The following GALNTL5 variants were observed in gnomAD, a reference collection of about 807,000 sequenced individuals.
GALNTL5 encodes inactive polypeptide N-acetylgalactosaminyltransferase-like protein 5.
A neutral mutation model predicts 51.0 loss-of-function variants in GALNTL5; 44 were observed. That is an observed-to-expected ratio of 0.86 (90% confidence interval 0.68 to 1.11). GALNTL5 has a LOEUF of 1.11. GALNTL5 is among the 50% of genes least tolerant of loss of function. The probability of loss-of-function intolerance (pLI) is 0.00; values close to 1 mark genes in which losing one functional copy is unlikely to be tolerated. For synonymous variants in GALNTL5, 192 were observed against 182.8 expected, an observed-to-expected ratio of 1.05 and a Z score of -0.41; for missense variants, 528 against 531.8, an observed-to-expected ratio of 0.99 and a Z score of 0.07.
intron 2 of GALNTL5, among the ~76,000 whole-genome samples, chr7:151,970,207 CG>C (rs1418427966): frequency 7.8e-6 from 1 of 128,212 alleles, no homozygotes; most frequent in Non-Finnish European, 1.7e-5. Flanking sequence ...CAGGAAGGGG[CG>C]GGGGGTGGGG....
intron 5 of GALNTL5, among the ~76,000 whole-genome samples, chr7:151,998,524 C>A (rs1204188418): frequency 1.3e-5 from 2 of 152,128 alleles, no homozygotes; most frequent in Non-Finnish European, 2.9e-5. Flanking sequence ...ATAATCCCAG[C>A]ACTTTGGAAG....
At chr7:151,986,711 G>A (rs1256468616) in intron 4 of GALNTL5, among the ~76,000 whole-genome samples, 1 of 142,082 alleles carries the variant, frequency 7.0e-6, no homozygotes, top group African/African-American at 2.6e-5. Context: ...TCCCTTAAAT[G>A]GGATAAAAAT....
chr7:151,965,929 C>A (rs963360265), intron 1 of GALNTL5, among the ~76,000 whole-genome samples: 3 of 151,954 alleles, frequency 2.0e-5, no homozygotes, highest in African/African-American at 4.8e-5. Flanking sequence ...TCTCCTCCCC[C>A]CAACCATGGA....
chr7:151,966,620 C>T lies in GALNTL5; in HGVS notation c.-39-588C>T, dbSNP rs1417367440. The stretch of plus-strand genomic sequence containing the variant: ...ATTACTTCAATAAACATTCTTGTAC[C>T]TGTCTCATGATACATCTCTTTAGAT... On this transcript the variant is annotated intron_variant, in intron 1 of 8. Transcript: ENST00000392800. Among the ~76,000 whole-genome samples the T allele has an allele frequency of 2.0e-5, 3 of 152,194 alleles. No homozygotes were observed. In the East Asian group the frequency reaches 5.8e-4, roughly 29 times the overall value.
intron 3 of GALNTL5, among the ~76,000 whole-genome samples, chr7:151,981,223 C>T (rs912059276): frequency 6.6e-6 from 1 of 152,172 alleles, no homozygotes; most frequent in Non-Finnish European, 1.5e-5. Context: ...ATGTCAATCA[C>T]ATTTCCCACT....
chr7:152,010,014 A>G (rs1283538324), intron 7 of GALNTL5, among the ~76,000 whole-genome samples: 1 of 152,246 alleles, frequency 6.6e-6, no homozygotes. Flanking sequence ...AAGAAGACAC[A>G]GTCTTCATTA....
chr7:152,001,969 C>G (rs1354788320), intron 5 of GALNTL5, among the ~76,000 whole-genome samples: 1 of 152,182 alleles, frequency 6.6e-6, no homozygotes, highest in Non-Finnish European at 1.5e-5. Context: ...AATACACTTT[C>G]TCTACTTTAA....
intron 3 of GALNTL5, among the ~76,000 whole-genome samples, chr7:151,973,041 C>A (rs968385834): frequency 4.6e-5 from 7 of 152,140 alleles, no homozygotes; most frequent in African/African-American, 1.4e-4. Context: ...TTGAAAGCAG[C>A]TGCGGGGGAT....
intron 3 of GALNTL5, among the ~76,000 whole-genome samples, chr7:151,978,784 T>C (rs2081238064): frequency 6.6e-6 from 1 of 152,194 alleles, no homozygotes; most frequent in Non-Finnish European, 1.5e-5. Flanking sequence ...CTTAACGTCA[T>C]CTTCCCTTTG....
chr7:151,981,727 C>A (rs2081294359), intron 3 of GALNTL5, among the ~76,000 whole-genome samples: 1 of 138,056 alleles, frequency 7.2e-6, no homozygotes, highest in African/African-American at 2.7e-5. Context: ...TGGCTCACTA[C>A]AACTTCTCTC....
chr7:151,994,104 G>A (rs147677173), intron 5 of GALNTL5, among the ~76,000 whole-genome samples: 58 of 152,098 alleles, frequency 3.8e-4, no homozygotes, highest in African/African-American at 1.2e-3. Flanking sequence ...ACTTCTCCTG[G>A]CCCTTTGCCA....
Position 151,982,976 on chromosome 7 carries a change from C to T in GALNTL5, c.369-10C>T. On this transcript the variant is annotated splice_polypyrimidine_tract_variant and intron_variant, in intron 3 of 8. Coordinates refer to ENST00000392800, the MANE Select transcript of GALNTL5 (RefSeq NM_145292.4). ...ATGGATGGTTTTCTTCATATTGCTT[C>T]TGCCTGCAGGTGTCTTCAAAAACAT... The T allele has an allele frequency of 1.2e-6, 2 of 1,614,098 alleles. No homozygotes were observed. Among genetic ancestry groups the T allele is most frequent in the Non-Finnish European group, 1.7e-6 (2 of 1,179,986 alleles).
intron 6 of GALNTL5, among the ~76,000 whole-genome samples, chr7:152,003,653 T>G (rs1313999361): frequency 6.6e-6 from 1 of 152,054 alleles, no homozygotes; most frequent in East Asian, 1.9e-4. Flanking sequence ...AACAAAAGTG[T>G]ACTTTATTGT....
chr7:151,967,486 T>G lies in GALNTL5; in HGVS notation c.240T>G (p.Ser80=). Residue 80 remains serine, a synonymous_variant, in exon 2 of 9, where the codon TCT becomes TCG. Coordinates refer to ENST00000392800, the MANE Select transcript of GALNTL5 (RefSeq NM_145292.4). ...VKRTDEDKAK[S]MLGTDFNHTN... ...GGACTGATGAAGATAAAGCAAAGTCTATGTTAGGTAAGTATTTGGATTTTT... is the reference window on the plus strand; with the variant it reads ...GGACTGATGAAGATAAAGCAAAGTCGATGTTAGGTAAGTATTTGGATTTTT... The G allele has an allele frequency of 6.2e-7, 1 of 1,610,944 alleles. No individual in the cohort carries two copies. Among genetic ancestry groups the G allele is most frequent in the Non-Finnish European group, 8.5e-7 (1 of 1,178,202 alleles).
chr7:152,017,240 T>C (rs1163348336), intron 8 of GALNTL5, among the ~76,000 whole-genome samples: 1 of 152,144 alleles, frequency 6.6e-6, no homozygotes, highest in African/African-American at 2.4e-5. Flanking sequence ...GGCCCATTGC[T>C]CCCAGGCTAC....
intron 5 of GALNTL5, among the ~76,000 whole-genome samples, chr7:151,999,141 G>A (rs79096641): frequency 0.023 from 3,478 of 152,230 alleles, 117 homozygotes; most frequent in African/African-American, 0.073. Context: ...GTAACTTTTT[G>A]TGTCGGGCTT....
At chr7:152,001,486 C>T (rs76112421) in intron 5 of GALNTL5, among the ~76,000 whole-genome samples, 6,714 of 152,064 alleles carry the variant, frequency 0.044, 453 homozygotes, top group African/African-American at 0.14. Flanking sequence ...GTGGATATTC[C>T]GTTGCCTCAG....
intron 8 of GALNTL5, among the ~76,000 whole-genome samples, chr7:152,016,455 C>T (rs2081815389): frequency 6.6e-6 from 1 of 151,370 alleles, no homozygotes; most frequent in African/African-American, 2.4e-5. Context: ...GCAATAGGAT[C>T]TCTCAGCTTT....
intron 1 of GALNTL5, among the ~76,000 whole-genome samples, chr7:151,963,483 G>A (rs925686980): frequency 6.6e-6 from 1 of 152,246 alleles, no homozygotes; most frequent in East Asian, 1.9e-4. Flanking sequence ...CTGCAATCTC[G>A]GCCTCCCGGG....
Sources: gnomAD v4.1 joint callset for allele counts (sites outside exome capture counted in the v4.1 genomes callset) on GRCh38, gnomAD v4.1.1 for gene constraint, MANE v1.5 for transcripts, NCBI Gene and HGNC (gene_info 2026-07-23, HGNC 2026-07-21) for gene names.